PKHD1: variants seen among roughly 807,000 people sequenced by gnomAD.
PKHD1 encodes PKHD1 ciliary IPT domain containing fibrocystin/polyductin.
In PKHD1, 291 loss-of-function variants were observed where a neutral mutation model predicts 412.0. The observed-to-expected ratio is 0.71, with a 90% CI of 0.64 to 0.78. PKHD1 has a LOEUF of 0.78. PKHD1 is among the 30% of genes least tolerant of loss of function. PKHD1 has a pLI of 0.00. For synonymous variants in PKHD1, 1,777 were observed against 1,821.5 expected, an observed-to-expected ratio of 0.98 and a Z score of 0.62; for missense variants, 4,825 against 4,950.7, an observed-to-expected ratio of 0.97 and a Z score of 0.76.
chr6:51,624,769 G>A (rs1767037296), intron 66 of PKHD1, among the ~76,000 whole-genome samples: 1 of 152,088 alleles, frequency 6.6e-6, no homozygotes, highest in Non-Finnish European at 1.5e-5. Context: ...GTATCACTAG[G>A]GCCATGTTAC....
At chr6:52,009,163 G>A (rs1401230772) in intron 35 of PKHD1, among the ~76,000 whole-genome samples, 2 of 152,176 alleles carry the variant, frequency 1.3e-5, no homozygotes, top group Non-Finnish European at 2.9e-5. Context: ...AGGTGTTTGT[G>A]GGGGACACGA....
intron 53 of PKHD1, among the ~76,000 whole-genome samples, chr6:51,780,816 G>A (rs534085119): frequency 1.3e-5 from 2 of 152,204 alleles, no homozygotes; most frequent in Middle Eastern, 3.4e-3. Flanking sequence ...CAAAAGAGGG[G>A]AAACTGGCCA....
intron 60 of PKHD1, among the ~76,000 whole-genome samples, chr6:51,677,371 G>A (rs1462235444): frequency 6.6e-6 from 1 of 152,016 alleles, no homozygotes; most frequent in African/African-American, 2.4e-5. Flanking sequence ...TCAATGCTCG[G>A]GAGCCACAAA....
At chr6:52,058,772 T>TCTAA (rs1808207087) in intron 15 of PKHD1, among the ~76,000 whole-genome samples, 171 bp from the exon 16 acceptor site, 1 of 3,970 alleles carries the variant, frequency 2.5e-4, no homozygotes, top group Admixed American at 4.1e-3. Context: ...TCTCCAGCTC[T>TCTAA]CTATCTATCT....
At chr6:51,625,718 A>G (rs983947900) in intron 66 of PKHD1, among the ~76,000 whole-genome samples, 4 of 152,222 alleles carry the variant, frequency 2.6e-5, no homozygotes, top group African/African-American at 4.8e-5. Flanking sequence ...ATAAATGGCC[A>G]TATGAGATTA....
chr6:51,664,807 T>C (rs2150448673), intron 60 of PKHD1, among the ~76,000 whole-genome samples: 1 of 152,292 alleles, frequency 6.6e-6, no homozygotes, highest in East Asian at 1.9e-4. Flanking sequence ...CCCATTTTTA[T>C]GTTTTAAACC....
chr6:51,826,165 G>A (rs1250161927), intron 52 of PKHD1, among the ~76,000 whole-genome samples: 1 of 151,996 alleles, frequency 6.6e-6, no homozygotes, highest in African/African-American at 2.4e-5. Context: ...ATGATCTTTT[G>A]CAATTTAACA....
intron 65 of PKHD1, among the ~76,000 whole-genome samples, chr6:51,627,990 A>G (rs2661489): frequency 0.043 from 6,505 of 152,278 alleles, 233 homozygotes; most frequent in African/African-American, 0.093. Flanking sequence ...AGGACAAACA[A>G]ATAAATTTGT....
chr6:51,889,021 A>G (rs553925286), intron 43 of PKHD1, among the ~76,000 whole-genome samples: 4 of 152,042 alleles, frequency 2.6e-5, no homozygotes, highest in Non-Finnish European at 5.9e-5. Context: ...GCCCATGTCT[A>G]CCTGGAGAAC....
At chr6:51,918,797 A>G (rs1784240682) in intron 37 of PKHD1, among the ~76,000 whole-genome samples, 1 of 151,984 alleles carries the variant, frequency 6.6e-6, no homozygotes, top group African/African-American at 2.4e-5. Flanking sequence ...AAGTGTTTCT[A>G]TTTCTACACA....
chr6:51,859,072 T>C (rs1773759385), intron 48 of PKHD1, among the ~76,000 whole-genome samples: 1 of 152,194 alleles, frequency 6.6e-6, no homozygotes, highest in Admixed American at 6.5e-5. Context: ...TGAAAACTCA[T>C]ATTTCTGCAA....
chr6:51,925,459 G>GTGTGTGTGTGTA (rs1378203311), intron 37 of PKHD1, among the ~76,000 whole-genome samples: 8,109 of 136,334 alleles, frequency 0.059, 320 homozygotes, highest in Non-Finnish European at 0.096. Context: ...GTGTGTATGT[G>GTGTGTGTGTGTA]TGTGTGTGTG....
At chr6:52,027,697 A>T in intron 31 of PKHD1, 132 bp downstream of exon 31, 1 of 722,642 alleles carries the variant, frequency 1.4e-6, no homozygotes, top group African/African-American at 1.7e-5. Flanking sequence ...CAGTTCCTGG[A>T]GCCCGAGGAA....
chr6:52,046,304 C>T, intron 23 of PKHD1, 116 bp from the exon 24 acceptor site: 1 of 850,602 alleles, frequency 1.2e-6, no homozygotes, highest in South Asian at 1.3e-5. Context: ...TTTCAGGAGA[C>T]CCTTCTGTCA....
intron 43 of PKHD1, among the ~76,000 whole-genome samples, chr6:51,893,853 T>C (rs1302798853): frequency 1.3e-5 from 2 of 152,132 alleles, no homozygotes; most frequent in Admixed American, 1.3e-4. Flanking sequence ...CAGAATTCCT[T>C]ACAAAATTGA....
intron 11 of PKHD1, among the ~76,000 whole-genome samples, chr6:52,066,889 G>T (rs996794962): frequency 5.9e-5 from 9 of 152,158 alleles, no homozygotes; most frequent in Admixed American, 1.3e-4. Context: ...GACAGAGCGA[G>T]ACCCTGTCTC....
chr6:51,927,153 C>A (rs1785771342), intron 37 of PKHD1, among the ~76,000 whole-genome samples: 1 of 152,228 alleles, frequency 6.6e-6, no homozygotes, highest in East Asian at 1.9e-4. Flanking sequence ...CCTTCCTTCC[C>A]AGTCCTAAAT....
At chr6:51,891,343 G>A (rs770517634) in intron 43 of PKHD1, among the ~76,000 whole-genome samples, 3 of 151,982 alleles carry the variant, frequency 2.0e-5, no homozygotes, top group South Asian at 4.2e-4. Context: ...GCAATGGCAC[G>A]ATCTCGGCTC....
intron 50 of PKHD1, among the ~76,000 whole-genome samples, chr6:51,846,948 C>T (rs1771272469): frequency 6.6e-6 from 1 of 151,990 alleles, no homozygotes; most frequent in Non-Finnish European, 1.5e-5. Context: ...ATCAGCCATC[C>T]ATTTTTTTCT....
Sources: allele counts gnomAD v4.1 joint callset (sites outside exome capture counted in the v4.1 genomes callset), GRCh38; gene constraint gnomAD v4.1.1; transcripts MANE v1.5; gene names NCBI Gene and HGNC (gene_info 2026-07-23, HGNC 2026-07-21).